The following WFDC3 variants were observed in gnomAD, a reference collection of about 807,000 sequenced individuals.
WFDC3 encodes the protein WAP four-disulfide core domain protein 3.
A neutral mutation model predicts 25.8 loss-of-function variants in WFDC3; 15 were observed. The observed-to-expected ratio is 0.58, with a 90% CI of 0.39 to 0.89. The LOEUF (loss-of-function observed/expected upper bound fraction) is 0.89, where lower values mean the gene tolerates loss of function less well. Ranked by LOEUF, WFDC3 falls within the 40% of genes least tolerant of loss-of-function variation. The pLI is 0.00. For missense variants in WFDC3, 264 were observed against 289.8 expected (o/e 0.91, Z 0.65); for synonymous variants, 103 against 107.1 (o/e 0.96, Z 0.24).
intron 4 of WFDC3, among the ~76,000 whole-genome samples, chr20:45,782,873 G>A (rs774022102): frequency 1.3e-4 from 19 of 151,946 alleles, no homozygotes; most frequent in South Asian, 4.1e-4. Flanking sequence ...CCCCTCAAAG[G>A]CTTCCTATTG....
chr20:45,789,093 A>T (rs1322743866), intron 2 of WFDC3, 34 bp from the exon 3 acceptor site: 1 of 1,609,208 alleles, frequency 6.2e-7, no homozygotes, highest in South Asian at 1.1e-5. Context: ...TGGGGTAACT[A>T]GCCAGGCCTC....
intron 4 of WFDC3, among the ~76,000 whole-genome samples, chr20:45,781,998 G>A (rs1209278831): frequency 6.6e-6 from 1 of 152,200 alleles, no homozygotes; most frequent in Non-Finnish European, 1.5e-5. Flanking sequence ...GGGAGGCCAT[G>A]CCATCAGCCC....
At chr20:45,789,128 C>T in intron 2 of WFDC3, 69 bp from the exon 3 acceptor site, 1 of 1,589,044 alleles carries the variant, frequency 6.3e-7, no homozygotes, top group Non-Finnish European at 8.6e-7. Context: ...GACCTTCAGC[C>T]CCTCCAGGCA....
chr20:45,786,073 C>T (rs1980655398), intron 4 of WFDC3, among the ~76,000 whole-genome samples: 1 of 152,210 alleles, frequency 6.6e-6, no homozygotes, highest in Non-Finnish European at 1.5e-5. Context: ...TTAAATGTCA[C>T]TCCACACATG....
intron 4 of WFDC3, 132 bp downstream of exon 4, chr20:45,787,704 C>T (rs1397763602): frequency 5.2e-5 from 62 of 1,197,312 alleles, no homozygotes; most frequent in Middle Eastern, 2.5e-4. Context: ...CTTGTGCACC[C>T]TTTGTATATC....
intron 1 of WFDC3, among the ~76,000 whole-genome samples, chr20:45,790,359 G>A (rs568086190): frequency 7.9e-5 from 12 of 152,306 alleles, no homozygotes; most frequent in African/African-American, 2.9e-4. Flanking sequence ...AACAGAGGGA[G>A]GGATTCACGA....
chr20:45,787,999 G>T lies in WFDC3; in HGVS notation c.212-17C>A. On this transcript the variant is annotated splice_polypyrimidine_tract_variant and intron_variant, in intron 3 of 6. Coordinates refer to ENST00000243938, the MANE Select transcript of WFDC3 (RefSeq NM_080614.2). ...TTTTCCTCCCTGTAGCAAAAAGGGA[G>T]ACAGCAAAGAAAAGAGAAAATAGGC... The T allele has an allele frequency of 6.2e-7, 1 of 1,609,250 alleles. No homozygotes were observed. Among genetic ancestry groups the T allele is most frequent in the Non-Finnish European group, 8.5e-7 (1 of 1,178,000 alleles).
intron 2 of WFDC3, 28 bp from the exon 3 acceptor site, chr20:45,789,087 G>A: frequency 1.9e-6 from 3 of 1,610,410 alleles, no homozygotes; most frequent in Admixed American, 1.7e-5. Context: ...TGAGTTTGGG[G>A]TAACTAGCCA....
chr20:45,776,610 AAAG>A (rs1568697325), intron 5 of WFDC3, among the ~76,000 whole-genome samples: 1 of 53,054 alleles, frequency 1.9e-5, no homozygotes, highest in African/African-American at 8.4e-5. Flanking sequence ...AAAAAAAAAA[AAAG>A]AAAAAAAAGA....
At chr20:45,789,450 G>A (rs1337780958) in intron 2 of WFDC3, among the ~76,000 whole-genome samples, 1 of 140,898 alleles carries the variant, frequency 7.1e-6, no homozygotes, top group Non-Finnish European at 1.5e-5. Context: ...AGTTTGCAGT[G>A]AGCTGAGATC....
At chr20:45,783,824 G>C (rs6032530) in intron 4 of WFDC3, among the ~76,000 whole-genome samples, 2 of 151,878 alleles carry the variant, frequency 1.3e-5, no homozygotes, top group African/African-American at 4.8e-5. Flanking sequence ...TTCCTGTAGA[G>C]TTGGGTATAG....
intron 4 of WFDC3, among the ~76,000 whole-genome samples, chr20:45,778,505 A>T (rs1516579): frequency 0.12 from 18,296 of 152,230 alleles, 1,656 homozygotes; most frequent in African/African-American, 0.26. Flanking sequence ...CTCTTGCAAC[A>T]AGGGGTGACC....
chr20:45,776,854 C>A (rs777061484), intron 5 of WFDC3, among the ~76,000 whole-genome samples: 11 of 152,006 alleles, frequency 7.2e-5, no homozygotes, highest in Non-Finnish European at 1.2e-4. Flanking sequence ...AAAAGCCACA[C>A]TGTCTGTCTT....
At chr20:45,790,117 A>G in intron 1 of WFDC3, 135 bp from the exon 2 acceptor site, 3 of 609,100 alleles carry the variant, frequency 4.9e-6, no homozygotes, top group African/African-American at 3.7e-5. Context: ...ACTCCCCAAG[A>G]ATATCTTCTC....
intron 5 of WFDC3, among the ~76,000 whole-genome samples, chr20:45,776,673 T>TGTG: frequency 6.9e-6 from 1 of 144,462 alleles, no homozygotes; most frequent in Non-Finnish European, 1.5e-5. Flanking sequence ...TGTGTGTGTG[T>TGTG]TTCCAACTAA....
chr20:45,789,837 C>T (rs1383490705), intron 2 of WFDC3, 57 bp downstream of exon 2: 6 of 1,525,196 alleles, frequency 3.9e-6, no homozygotes, highest in East Asian at 2.2e-5. Flanking sequence ...GATGAGTTCT[C>T]CTCTCCTCTA....
intron 5 of WFDC3, among the ~76,000 whole-genome samples, chr20:45,776,278 C>CTCTGTGTGTGTGTG (rs1555812707): frequency 9.8e-6 from 1 of 101,948 alleles, no homozygotes; most frequent in Non-Finnish European, 2.1e-5. Context: ...GCTTTTATCT[C>CTCTGTGTGTGTGTG]TGTGTGTGTG....
chr20:45,775,473 A>C lies in WFDC3; in HGVS notation c.623T>G (p.Leu208Arg), dbSNP rs1980092949. The change falls in exon 6 of 7, where the codon CTG (leucine) becomes CGG (arginine). Residue 208 changes from leucine to arginine, a missense_variant. By Grantham distance (102) the Leu-to-Arg change is moderately radical. Transcript: ENST00000243938. ...GCGRFCVPPV[L>R]PPKLTMNPNW... ...GGGGTTCATGGTCAGTTTTGGGGGC[A>C]GGACTGGTGGGACACAGAAGCGGCC... 4.3e-6 allele frequency: 7 copies of C among 1,614,220 alleles called. No individual in the cohort carries two copies. Among genetic ancestry groups the C allele is most frequent in the Non-Finnish European group, 5.9e-6 (7 of 1,180,034 alleles).
intron 4 of WFDC3, 30 bp from the exon 5 acceptor site, chr20:45,777,239 A>G (rs1980233842): frequency 1.4e-6 from 2 of 1,472,344 alleles, no homozygotes; most frequent in East Asian, 5.0e-5. Flanking sequence ...GAGCCCAGAG[A>G]CGCTCACAAT....
Sources: gnomAD v4.1 joint callset for allele counts (sites outside exome capture counted in the v4.1 genomes callset) on GRCh38, gnomAD v4.1.1 for gene constraint, MANE v1.5 for transcripts, NCBI Gene and HGNC (gene_info 2026-07-23, HGNC 2026-07-21) for gene names.